Variants in DGKB observed in about 807,000 individuals in gnomAD.
DGKB encodes the protein 90 kDa diacylglycerol kinase.
Under a neutral mutation model 114.3 loss-of-function variants are expected in DGKB, and 67 were observed. That is an observed-to-expected ratio of 0.59 (90% CI 0.48 to 0.72). The LOEUF (loss-of-function observed/expected upper bound fraction) is 0.72, where lower values mean the gene tolerates loss of function less well. DGKB is among the 30% of genes least tolerant of loss of function. The pLI, the probability that DGKB is intolerant of heterozygous loss-of-function variation, is 0.00. For synonymous variants in DGKB, 398 were observed against 323.1 expected (o/e 1.23, Z -2.49); for missense variants, 907 against 975.2 (o/e 0.93, Z 0.93).
chr7:14,974,291 C>A (rs909024226), intron 1 of DGKB, among the ~76,000 whole-genome samples: 1 of 151,844 alleles, frequency 6.6e-6, no homozygotes, highest in African/African-American at 2.4e-5. Flanking sequence ...TATAGGACAC[C>A]CCTGGGGAAA....
intron 9 of DGKB, among the ~76,000 whole-genome samples, chr7:14,692,228 A>T (rs1160613503): frequency 1.3e-5 from 2 of 152,098 alleles, no homozygotes; most frequent in African/African-American, 4.8e-5. Context: ...AATACGGGCA[A>T]CTGACTGTCC....
chr7:14,174,237 G>T (rs1308676636), intron 25 of DGKB, among the ~76,000 whole-genome samples: 1 of 152,094 alleles, frequency 6.6e-6, no homozygotes, highest in Non-Finnish European at 1.5e-5. Context: ...CAGACTACCT[G>T]GGTTTCCATT....
intron 13 of DGKB, among the ~76,000 whole-genome samples, chr7:14,642,569 A>G (rs915679904): frequency 1.3e-5 from 2 of 152,208 alleles, no homozygotes; most frequent in African/African-American, 4.8e-5. Flanking sequence ...CTAAGGTCTC[A>G]GTAACCACAA....
chr7:14,203,204 G>A (rs537162840), intron 23 of DGKB, among the ~76,000 whole-genome samples: 9 of 141,588 alleles, frequency 6.4e-5, no homozygotes, highest in South Asian at 4.4e-4. Context: ...CTTATTTTTC[G>A]TCTATCCTCT....
chr7:14,347,022 C>T (rs778609843), intron 21 of DGKB, among the ~76,000 whole-genome samples: 4 of 151,970 alleles, frequency 2.6e-5, no homozygotes, highest in Non-Finnish European at 5.9e-5. Flanking sequence ...AACACTCTCT[C>T]TGTTAAGTAC....
intron 20 of DGKB, among the ~76,000 whole-genome samples, chr7:14,540,008 A>T (rs551154981): frequency 2.8e-4 from 42 of 152,054 alleles, no homozygotes; most frequent in Non-Finnish European, 4.3e-4. Flanking sequence ...TCTCATTTAT[A>T]TACTACTCAT....
intron 21 of DGKB, among the ~76,000 whole-genome samples, chr7:14,369,193 A>G (rs1817210691): frequency 6.6e-6 from 1 of 151,760 alleles, no homozygotes; most frequent in Non-Finnish European, 1.5e-5. Flanking sequence ...TTCCTGTGTT[A>G]GTTTTCTGAG....
At chr7:14,737,333 A>G (rs1193548133) in intron 4 of DGKB, among the ~76,000 whole-genome samples, 2 of 123,718 alleles carry the variant, frequency 1.6e-5, no homozygotes, top group Non-Finnish European at 3.2e-5. Flanking sequence ...ATGTGCTGAG[A>G]TGCAAGAGGA....
At chr7:14,575,081 C>T (rs1798930598) in intron 19 of DGKB, among the ~76,000 whole-genome samples, 1 of 152,136 alleles carries the variant, frequency 6.6e-6, no homozygotes, top group South Asian at 2.1e-4. Context: ...GCTATGATTG[C>T]ACCACTGTAT....
At chr7:14,349,192 G>A (rs563734062) in intron 21 of DGKB, among the ~76,000 whole-genome samples, 1 of 152,108 alleles carries the variant, frequency 6.6e-6, no homozygotes, top group East Asian at 1.9e-4. Flanking sequence ...CAATTCAAGA[G>A]CTATAAATGA....
intron 7 of DGKB, 96 bp from the exon 8 acceptor site, chr7:14,698,265 A>G: frequency 1.4e-6 from 1 of 719,492 alleles, no homozygotes; most frequent in Non-Finnish European, 2.3e-6. Context: ...TGTGTAGCTA[A>G]AAAAGTTAAA....
At chr7:14,827,792 C>T (rs1000737671) in intron 2 of DGKB, among the ~76,000 whole-genome samples, 1 of 152,016 alleles carries the variant, frequency 6.6e-6, no homozygotes, top group Non-Finnish European at 1.5e-5. Flanking sequence ...GACAATGATG[C>T]ATAAGTAGCA....
At chr7:14,712,196 A>G (rs1563987033) in intron 6 of DGKB, among the ~76,000 whole-genome samples, 2 of 152,202 alleles carry the variant, frequency 1.3e-5, no homozygotes, top group African/African-American at 2.4e-5. Context: ...TATGGAGTGA[A>G]AAACATAAGA....
At chr7:14,690,301 C>G (rs12334160) in intron 9 of DGKB, among the ~76,000 whole-genome samples, 3,241 of 152,252 alleles carry the variant, frequency 0.021, 110 homozygotes, top group African/African-American at 0.074. Context: ...CAGCAACTGC[C>G]TGGTATAAAA....
intron 23 of DGKB, among the ~76,000 whole-genome samples, chr7:14,267,468 A>AT (rs34348388): frequency 0.25 from 27,191 of 109,864 alleles, 3,158 homozygotes; most frequent in Non-Finnish European, 0.32. Context: ...ATAAGTGCTT[A>AT]TTTTTTTTTT....
chr7:14,546,809 C>A (rs1004576809), intron 20 of DGKB, among the ~76,000 whole-genome samples: 4 of 152,154 alleles, frequency 2.6e-5, no homozygotes, highest in African/African-American at 4.8e-5. Context: ...ATGCCAGAAA[C>A]ACTCCTGGAC....
At chr7:14,629,536 A>C (rs2128840299) in intron 14 of DGKB, among the ~76,000 whole-genome samples, 1 of 152,216 alleles carries the variant, frequency 6.6e-6, no homozygotes, top group African/African-American at 2.4e-5. Flanking sequence ...AGCAGATTTT[A>C]ATTACAATTT....
rs552436000 is a variant in DGKB, at chr7:14,859,791, T to C, written c.-187-18341A>G. The stretch of plus-strand genomic sequence containing the variant: ...ACCTCCTTCCCTGACTAAATGCAAA[T>C]ATCTGAAATGCATAACTCTGCGTCT... On this transcript the variant is annotated intron_variant, in intron 1 of 25. Transcript: ENST00000402815. Among the ~76,000 whole-genome samples, 241 of 152,202 alleles carry C rather than the reference T, an allele frequency of 1.6e-3. 1 individual carries two copies. The highest frequency in any genetic ancestry group is 5.6e-3 in the African/African-American group (232 of 41,546).
intron 21 of DGKB, among the ~76,000 whole-genome samples, chr7:14,429,803 C>T (rs1350017725): frequency 6.6e-6 from 1 of 152,054 alleles, no homozygotes; most frequent in African/African-American, 2.4e-5. Context: ...TGCCTGTAAT[C>T]CCAGCTACTC....
Sources: allele counts gnomAD v4.1 joint callset (sites outside exome capture counted in the v4.1 genomes callset), GRCh38; gene constraint gnomAD v4.1.1; transcripts MANE v1.5; gene names NCBI Gene and HGNC (gene_info 2026-07-23, HGNC 2026-07-21).